Variants in FSTL4 observed in about 807,000 individuals in gnomAD.
The protein encoded by FSTL4 is follistatin-related protein 4.
FSTL4 carries 28 observed loss-of-function variants against 78.2 expected under a neutral mutation model. The observed-to-expected ratio is 0.36, with a 90% CI of 0.27 to 0.49. The LOEUF is 0.49. Among genes scored for constraint, FSTL4 ranks in the 20% least tolerant of loss-of-function variants. The pLI is 0.98. For synonymous variants in FSTL4, 422 were observed against 440.5 expected, an observed-to-expected ratio of 0.96 and a Z score of 0.53; for missense variants, 922 against 1,084.9, an observed-to-expected ratio of 0.85 and a Z score of 2.11.
chr5:133,797,142 G>A, the FSTL4 span, among the ~76,000 whole-genome samples: 1 of 152,236 alleles, frequency 6.6e-6, no homozygotes, highest in Non-Finnish European at 1.5e-5. Context: ...GGGCACCCCA[G>A]GCAGTCAGAT....
rs115934948 is a variant in FSTL4 at position 133,561,236 on chromosome 5, T to C, written c.160+5950A>G. Among the ~76,000 whole-genome samples, 793 of 152,132 alleles carry C rather than the reference T, an allele frequency of 5.2e-3. 5 individuals carry two copies. Among genetic ancestry groups the C allele is most frequent in the African/African-American group, 0.017 (712 of 41,512 alleles). On this transcript the variant is annotated intron_variant, in intron 3 of 15. Transcript: ENST00000265342. ...AACTGGCTTACTTGAGAAAGGCCTC[T>C]ATGTCTATGGCCAGGCCTGTAAGAG...
At chr5:133,368,914 G>A (rs1375872208) in intron 4 of FSTL4, among the ~76,000 whole-genome samples, 1 of 152,246 alleles carries the variant, frequency 6.6e-6, no homozygotes, top group African/African-American at 2.4e-5. Flanking sequence ...TCAGCTGGCA[G>A]GCCAGGACTT....
At chr5:133,259,303 A>G (rs191910020) in intron 6 of FSTL4, among the ~76,000 whole-genome samples, 1 of 151,862 alleles carries the variant, frequency 6.6e-6, no homozygotes, top group Non-Finnish European at 1.5e-5. Flanking sequence ...AGTTAGAGAA[A>G]ACAGCCCATA....
intron 6 of FSTL4, among the ~76,000 whole-genome samples, chr5:133,261,938 G>A (rs1752534506): frequency 6.6e-6 from 1 of 151,746 alleles, no homozygotes; most frequent in Admixed American, 6.6e-5. Context: ...GTTGTCGTGA[G>A]CTGAGATTGC....
At chr5:133,443,376 T>G (rs1757199762) in intron 3 of FSTL4, among the ~76,000 whole-genome samples, 3 of 152,250 alleles carry the variant, frequency 2.0e-5, no homozygotes, top group Admixed American at 2.0e-4. Flanking sequence ...CATCCAAGCT[T>G]GAACTGAAAT....
intron 4 of FSTL4, among the ~76,000 whole-genome samples, chr5:133,317,987 C>T (rs1361088213): frequency 6.6e-6 from 1 of 152,184 alleles, no homozygotes; most frequent in African/African-American, 2.4e-5. Context: ...TCCCTCATAC[C>T]CTCCCTTGAT....
At chr5:133,696,173 C>T in the FSTL4 span, among the ~76,000 whole-genome samples, 2 of 152,226 alleles carry the variant, frequency 1.3e-5, no homozygotes, top group African/African-American at 2.4e-5. Flanking sequence ...CAGGGCTGCC[C>T]GGCTCTGAAG....
chr5:133,322,936 T>C (rs62374556), intron 4 of FSTL4, among the ~76,000 whole-genome samples: 9,540 of 152,312 alleles, frequency 0.063, 332 homozygotes, highest in African/African-American at 0.09. Flanking sequence ...TTACATGTTC[T>C]GAGCAGGCAG....
chr5:133,405,989 T>A (rs1418463506), intron 3 of FSTL4, among the ~76,000 whole-genome samples: 1 of 152,180 alleles, frequency 6.6e-6, no homozygotes, highest in African/African-American at 2.4e-5. Flanking sequence ...CAGAATAGGC[T>A]CCTATCCTCA....
chr5:133,640,077 G>A, the FSTL4 span, among the ~76,000 whole-genome samples: 482 of 152,304 alleles, frequency 3.2e-3, 5 homozygotes, highest in African/African-American at 0.011. Context: ...CAATGACAGA[G>A]GAGCCTACAG....
intron 3 of FSTL4, among the ~76,000 whole-genome samples, chr5:133,450,820 G>A (rs571076532): frequency 1.3e-3 from 204 of 152,324 alleles, no homozygotes; most frequent in Admixed American, 2.5e-3. Context: ...GGGAGCTGGA[G>A]CATTCACAGA....
At chr5:133,421,261 A>G (rs527413497) in intron 3 of FSTL4, among the ~76,000 whole-genome samples, 1 of 152,340 alleles carries the variant, frequency 6.6e-6, no homozygotes. Context: ...CTCACCTTCA[A>G]GTCAGGTTTT....
the FSTL4 span, among the ~76,000 whole-genome samples, chr5:133,687,213 G>T: frequency 1.5e-5 from 1 of 65,040 alleles, no homozygotes; most frequent in Non-Finnish European, 3.5e-5. Context: ...AGGCTAAATA[G>T]GGGGGGCATG....
chr5:133,547,683 T>C (rs746089130), intron 3 of FSTL4, among the ~76,000 whole-genome samples: 37 of 152,210 alleles, frequency 2.4e-4, no homozygotes, highest in Non-Finnish European at 4.7e-4. Flanking sequence ...AGGCTGTCCT[T>C]GCATTTGCCC....
In FSTL4 at chr5:133,403,040, T is replaced by C. The variant is rs74920246; in HGVS notation, c.161-2054A>G. On this transcript the variant is annotated intron_variant, in intron 3 of 15. Coordinates refer to ENST00000265342, the MANE Select transcript of FSTL4 (RefSeq NM_015082.2). The stretch of plus-strand genomic sequence containing the variant: ...CGCTTTGCCATGGAGCATATTTGAT[T>C]AGCGTGATTCTCCTGGGTTGTTGGA... Among the ~76,000 whole-genome samples the C allele has an allele frequency of 8.5e-3, 1,289 of 152,304 alleles. 18 individuals carry two copies. Among genetic ancestry groups the C allele is most frequent in the African/African-American group, 0.03 (1,234 of 41,564 alleles).
At chr5:133,276,607 C>T (rs1752889919) in intron 6 of FSTL4, among the ~76,000 whole-genome samples, 1 of 152,182 alleles carries the variant, frequency 6.6e-6, no homozygotes, top group Admixed American at 6.5e-5. Context: ...AAGGCCATCC[C>T]TCCCCACTCC....
At chr5:133,448,682 C>T (rs914425927) in intron 3 of FSTL4, among the ~76,000 whole-genome samples, 10 of 134,032 alleles carry the variant, frequency 7.5e-5, no homozygotes, top group South Asian at 2.6e-4. Flanking sequence ...GTTGAGAGGT[C>T]GCTGACAGCT....
chr5:133,268,637 G>A (rs1385791321), intron 6 of FSTL4, among the ~76,000 whole-genome samples: 1 of 152,126 alleles, frequency 6.6e-6, no homozygotes. Context: ...ACAGGGAGGA[G>A]GGAGTGAGCT....
At chr5:133,617,490 C>T (rs1761221252), upstream of FSTL4, among the ~76,000 whole-genome samples, 1 of 152,058 alleles carries the variant, frequency 6.6e-6, no homozygotes, top group Admixed American at 6.6e-5. Context: ...GGAGACTGGG[C>T]ACAGGAGGAA....
Sources: allele counts gnomAD v4.1 joint callset (sites outside exome capture counted in the v4.1 genomes callset), GRCh38; gene constraint gnomAD v4.1.1; transcripts MANE v1.5; gene names NCBI Gene and HGNC (gene_info 2026-07-23, HGNC 2026-07-21).